The following HAPLN2 variants were observed in gnomAD, a reference collection of about 807,000 sequenced individuals.
HAPLN2 encodes the protein hyaluronan and proteoglycan link protein 2.
Under a neutral mutation model 29.3 loss-of-function variants are expected in HAPLN2, and 27 were observed. That is an observed-to-expected ratio of 0.92 (90% CI 0.68 to 1.27). The LOEUF is 1.27. Ranked by LOEUF, HAPLN2 falls within the 50% of genes most tolerant of loss-of-function variation. HAPLN2 has a pLI of 0.00. For synonymous variants in HAPLN2, 208 were observed against 211.7 expected, an observed-to-expected ratio of 0.98 and a Z score of 0.15; for missense variants, 454 against 484.3, an observed-to-expected ratio of 0.94 and a Z score of 0.59.
upstream of HAPLN2, chr1:156,619,217 G>GC (rs1678142495): frequency 8.4e-6 from 1 of 118,664 alleles, no homozygotes; most frequent in Non-Finnish European, 1.7e-5. Context: ...TTCTGAGCCC[G>GC]CCCCCCACCC....
Position 156,625,537 on chromosome 1 carries a change from C to T in HAPLN2, c.*153C>T. ...CCAGCCGGGGGCTGCGGGCCTCGGA[C>T]CCCGGCTGGCCCGGCGGCGGGGAGG... On this transcript the variant is annotated 3_prime_UTR_variant, in exon 7 of 7. Transcript: ENST00000255039. This position sits in a 1 kb window ranked among gnomAD's most constrained non-coding sequence, Gnocchi z 5.7. The T allele has an allele frequency of 2.7e-6, 2 of 749,952 alleles. No individual in the cohort carries two copies. The highest frequency in any genetic ancestry group is 3.9e-6 in the Non-Finnish European group (2 of 515,226). The allele number at this position is 749,952 out of a possible 1,614,324, so 46.5% of individuals were successfully genotyped here. A position where few individuals can be genotyped will look rare whatever the true frequency, so the allele number is the denominator to read the frequency against.
the HAPLN2 span, among the ~76,000 whole-genome samples, chr1:156,609,991 G>A: frequency 2.6e-5 from 4 of 151,980 alleles, no homozygotes; most frequent in Non-Finnish European, 4.4e-5. Flanking sequence ...CGAGGTGGGC[G>A]GATCATGAGG....
chr1:156,616,613 G>T (rs1487566257), upstream of HAPLN2, among the ~76,000 whole-genome samples: 1 of 152,152 alleles, frequency 6.6e-6, no homozygotes, highest in African/African-American at 2.4e-5. Context: ...TCCCTCTGCC[G>T]GAGGCTGTTT....
chr1:156,614,567 G>T (rs888742876), upstream of HAPLN2, among the ~76,000 whole-genome samples: 1 of 152,270 alleles, frequency 6.6e-6, no homozygotes, highest in Admixed American at 6.5e-5. Flanking sequence ...GAGAATGGTT[G>T]ATTAATACGT....
chr1:156,610,588 C>T, the HAPLN2 span, among the ~76,000 whole-genome samples: 11 of 150,700 alleles, frequency 7.3e-5, no homozygotes, highest in Admixed American at 4.6e-4. Context: ...TGCAGTGAGC[C>T]GAGATCGCGC....
the HAPLN2 span, among the ~76,000 whole-genome samples, chr1:156,607,287 C>T: frequency 6.6e-6 from 1 of 152,148 alleles, no homozygotes; most frequent in Non-Finnish European, 1.5e-5. Context: ...CAAGACCAGC[C>T]TGGCCAACAT....
At chr1:156,623,033 C>CAAAAAAAAAAAAAAAT (rs1207919606) in intron 2 of HAPLN2, among the ~76,000 whole-genome samples, 1 of 44,218 alleles carries the variant, frequency 2.3e-5, no homozygotes, top group East Asian at 7.5e-4. Flanking sequence ...CACTCTGTCT[C>CAAAAAAAAAAAAAAAT]AAAAAAATAA....
At chr1:156,619,182 T>G (rs1678141244), upstream of HAPLN2, 1 of 152,166 alleles carries the variant, frequency 6.6e-6, no homozygotes, top group Non-Finnish European at 1.5e-5. Context: ...CCCTATTCTC[T>G]TCTTCTTGGG....
Position 156,624,750 on chromosome 1 carries a change from T to C in HAPLN2, c.706T>C (p.Tyr236His). 1 of 1,543,308 alleles carries C rather than the reference T, an allele frequency of 6.5e-7. No individual in the cohort carries two copies. Residue 236 changes from tyrosine to histidine, a missense_variant, in exon 6 of 7, where the codon TAC (tyrosine) becomes CAC (histidine). This residue lies in a region of HAPLN2 where 235 missense variants were observed against 236.9 expected (regional missense o/e 0.99). Transcript: ENST00000255039. ...ACCCCGCGACCGGATGCGCGACCGC[T>C]ACGACGCCTTCTGCTTCACCTCCGC... is the stretch of plus-strand genomic sequence containing the variant. Reference protein sequence around the residue: ...YGPRDRMRDRYDAFCFTSALA... With the variant: ...YGPRDRMRDRHDAFCFTSALA...
At chr1:156,615,847 G>A (rs1396899806), upstream of HAPLN2, among the ~76,000 whole-genome samples, 1 of 151,154 alleles carries the variant, frequency 6.6e-6, no homozygotes, top group Non-Finnish European at 1.5e-5. Flanking sequence ...TGGGATTACA[G>A]GCATTAGCCA....
chr1:156,624,819 G>A (rs573161445), intron 6 of HAPLN2, 36 bp downstream of exon 6: 1 of 1,455,910 alleles, frequency 6.9e-7, no homozygotes, highest in South Asian at 1.4e-5. Flanking sequence ...CTTGGGGAGG[G>A]GTCTGAAAAA....
At chr1:156,624,968 C>T in intron 6 of HAPLN2, 133 bp from the exon 7 acceptor site, 1 of 1,121,578 alleles carries the variant, frequency 8.9e-7, no homozygotes, top group Non-Finnish European at 1.2e-6. Flanking sequence ...ACTTTTGCCT[C>T]GATCCCCCAA....
intron 2 of HAPLN2, among the ~76,000 whole-genome samples, chr1:156,621,037 T>C (rs903953308): frequency 1.3e-5 from 2 of 151,882 alleles, no homozygotes; most frequent in Non-Finnish European, 2.9e-5. Flanking sequence ...TTATGCATAG[T>C]CATGCAATTA....
At chr1:156,618,487 A>T (rs182547577), upstream of HAPLN2, among the ~76,000 whole-genome samples, 56 of 150,556 alleles carry the variant, frequency 3.7e-4, no homozygotes, top group East Asian at 2.0e-3. Flanking sequence ...TTAAAAAAAA[A>T]ATTTTAAAAA....
Position 156,624,481 on chromosome 1 carries a change from C to T in HAPLN2, c.556+14C>T, listed in dbSNP as rs552481543. The T allele has an allele frequency of 1.2e-6, 2 of 1,610,640 alleles. No homozygotes were observed. Among genetic ancestry groups the T allele is most frequent in the African/African-American group, 1.3e-5 (1 of 74,960 alleles). On this transcript the variant is annotated intron_variant, in intron 5 of 6. Transcript: ENST00000255039. ...AGCTCTACCAGGGTGAGCGGCCGAA[C>T]CCAGCACTTCCCAAGCCCCGCGGAG...
the HAPLN2 span, among the ~76,000 whole-genome samples, chr1:156,604,738 C>T: frequency 1.3e-5 from 2 of 152,084 alleles, no homozygotes; most frequent in African/African-American, 4.8e-5. Flanking sequence ...ATACATTTAA[C>T]AAAAGATGTG....
chr1:156,623,037 A>AAAAAAAAAT (rs551908025), intron 2 of HAPLN2, among the ~76,000 whole-genome samples: 7 of 111,424 alleles, frequency 6.3e-5, no homozygotes, highest in African/African-American at 2.2e-4. Flanking sequence ...CTGTCTCAAA[A>AAAAAAAAAT]AAATAAATAA....
chr1:156,605,083 T>C, the HAPLN2 span, among the ~76,000 whole-genome samples: 1 of 151,942 alleles, frequency 6.6e-6, no homozygotes, highest in East Asian at 1.9e-4. Context: ...CTGGCCAATA[T>C]GGTGAAACCC....
At chr1:156,623,077 T>TAAATAAATAAAA (rs1553235369) in intron 2 of HAPLN2, among the ~76,000 whole-genome samples, 1 of 124,592 alleles carries the variant, frequency 8.0e-6, no homozygotes, top group Non-Finnish European at 1.7e-5. Context: ...AATAAATAAA[T>TAAATAAATAAAA]AAAATAAAAA....
Sources: gnomAD v4.1 joint callset for allele counts (sites outside exome capture counted in the v4.1 genomes callset) on GRCh38, gnomAD v4.1.1 for gene constraint, gnomAD v4.1.1 regional missense constraint, Gnocchi (gnomAD v3.1) non-coding constraint, MANE v1.5 for transcripts, NCBI Gene and HGNC (gene_info 2026-07-23, HGNC 2026-07-21) for gene names.